UNC79: variants seen among roughly 807,000 people sequenced by gnomAD.
UNC79 encodes unc-79 subunit of NALCN channel complex, also known as protein unc-79 homolog.
Under a neutral mutation model 283.1 loss-of-function variants are expected in UNC79, and 37 were observed. The observed-to-expected ratio is 0.13, with a 90% CI of 0.10 to 0.17. The LOEUF is 0.17. Ranked by LOEUF, UNC79 falls within the 10% of genes least tolerant of loss-of-function variation. The pLI, the probability that UNC79 is intolerant of heterozygous loss-of-function variation, is 1.00. For missense variants in UNC79, 2,272 were observed against 3,211.1 expected, an observed-to-expected ratio of 0.71 and a Z score of 7.07; for synonymous variants, 1,107 against 1,200.2, an observed-to-expected ratio of 0.92 and a Z score of 1.61.
intron 3 of UNC79, among the ~76,000 whole-genome samples, chr14:93,475,941 A>G (rs909333118): frequency 3.3e-5 from 5 of 152,136 alleles, no homozygotes; most frequent in Admixed American, 2.0e-4. Flanking sequence ...TGCATGATAG[A>G]GCTTAGAAGG....
At chr14:93,588,648 G>A (rs1032154666) in intron 22 of UNC79, among the ~76,000 whole-genome samples, 2 of 150,376 alleles carry the variant, frequency 1.3e-5, no homozygotes, top group African/African-American at 4.9e-5. Flanking sequence ...GGCTGAAGCA[G>A]GAGAATGACG....
At chr14:93,364,429 A>G (rs996573292) in intron 1 of UNC79, among the ~76,000 whole-genome samples, 2 of 151,532 alleles carry the variant, frequency 1.3e-5, no homozygotes, top group African/African-American at 2.4e-5. Context: ...TTTTATTTTA[A>G]TTTATTGTAG....
intron 1 of UNC79, among the ~76,000 whole-genome samples, chr14:93,403,667 C>G (rs1358467426): frequency 3.9e-5 from 6 of 151,924 alleles, no homozygotes; most frequent in African/African-American, 1.5e-4. Context: ...CACTGATGAT[C>G]AATACAGTGT....
At chr14:93,545,581 G>T (rs1486088969) in intron 14 of UNC79, among the ~76,000 whole-genome samples, 1 of 152,130 alleles carries the variant, frequency 6.6e-6, no homozygotes, top group African/African-American at 2.4e-5. Context: ...TGTAATGCAG[G>T]TATCGAATCT....
chr14:93,602,699 G>A (rs1003018520), intron 25 of UNC79, among the ~76,000 whole-genome samples: 2 of 152,114 alleles, frequency 1.3e-5, no homozygotes, highest in Non-Finnish European at 2.9e-5. Context: ...GATGTGTAGT[G>A]GTGTCATCAT....
intron 48 of UNC79, among the ~76,000 whole-genome samples, chr14:93,704,951 G>A (rs538332240): frequency 3.3e-5 from 5 of 152,264 alleles, no homozygotes; most frequent in South Asian, 2.1e-4. Context: ...AGTACAGGCC[G>A]AGGCCGGGTG....
intron 35 of UNC79, among the ~76,000 whole-genome samples, chr14:93,648,949 A>G (rs2069933382): frequency 6.6e-6 from 1 of 152,266 alleles, no homozygotes; most frequent in South Asian, 2.1e-4. Context: ...ATTTGTAAGC[A>G]GCAAGGTGTG....
intron 4 of UNC79, among the ~76,000 whole-genome samples, chr14:93,481,015 T>A (rs1484673842): frequency 6.6e-6 from 1 of 152,164 alleles, no homozygotes; most frequent in Non-Finnish European, 1.5e-5. Context: ...ATCTTTGAAG[T>A]GGACCTAATG....
intron 40 of UNC79, among the ~76,000 whole-genome samples, chr14:93,666,673 C>A (rs996769816): frequency 6.6e-6 from 1 of 152,116 alleles, no homozygotes; most frequent in African/African-American, 2.4e-5. Context: ...GGGAGATTTT[C>A]TCTTTCAGTT....
chr14:93,495,620 A>T (rs1567002127), intron 5 of UNC79, among the ~76,000 whole-genome samples: 1 of 152,238 alleles, frequency 6.6e-6, no homozygotes. Flanking sequence ...GAGTGTTTCA[A>T]AAAGGAGACA....
intron 32 of UNC79, among the ~76,000 whole-genome samples, chr14:93,638,085 C>G (rs951449385): frequency 6.6e-6 from 1 of 152,100 alleles, no homozygotes; most frequent in Non-Finnish European, 1.5e-5. Context: ...TAATTGTTAC[C>G]TTTGTTCTTT....
chr14:93,386,114 T>C (rs1297587798), intron 1 of UNC79, among the ~76,000 whole-genome samples: 1 of 152,234 alleles, frequency 6.6e-6, no homozygotes, highest in Non-Finnish European at 1.5e-5. Flanking sequence ...GGGTCTATCA[T>C]ATATGGCTTT....
chr14:93,706,794 A>G, exon 49 of UNC79: 3 of 1,614,238 alleles, frequency 1.9e-6, no homozygotes, highest in Non-Finnish European at 1.7e-6. Flanking sequence ...CTCGGGCCAG[A>G]GCAGTGCTGG....
chr14:93,536,821 A>G (rs942654891), intron 11 of UNC79, among the ~76,000 whole-genome samples: 32 of 134,618 alleles, frequency 2.4e-4, no homozygotes, highest in African/African-American at 9.1e-4. Context: ...AAAAGAGTCA[A>G]TGGTGTACCA....
intron 1 of UNC79, among the ~76,000 whole-genome samples, chr14:93,341,846 C>A (rs2053719542): frequency 6.6e-6 from 1 of 152,176 alleles, no homozygotes; most frequent in Non-Finnish European, 1.5e-5. Flanking sequence ...AAAATAATCT[C>A]TTTTGACTCC....
chr14:93,335,030 A>T (rs532479506), intron 1 of UNC79: 1 of 152,324 alleles, frequency 6.6e-6, no homozygotes, highest in East Asian at 1.9e-4. Context: ...TAAAAAACAA[A>T]ATTAAAATGG....
At chr14:93,334,163 T>C (rs1476751815) in intron 1 of UNC79, among the ~76,000 whole-genome samples, 1 of 152,264 alleles carries the variant, frequency 6.6e-6, no homozygotes, top group Non-Finnish European at 1.5e-5. Context: ...CCTCCATTAT[T>C]TTATGCTTTT....
chr14:93,338,127 C>A (rs1456337908), intron 1 of UNC79, among the ~76,000 whole-genome samples: 3 of 152,076 alleles, frequency 2.0e-5, no homozygotes, highest in African/African-American at 7.2e-5. Flanking sequence ...GCTGAGTGGG[C>A]AGAATGAGCC....
At chr14:93,442,776 C>G (rs891645774) in intron 1 of UNC79, among the ~76,000 whole-genome samples, 5 of 152,156 alleles carry the variant, frequency 3.3e-5, no homozygotes, top group African/African-American at 1.2e-4. Context: ...CATGTAACCA[C>G]TACCACAATA....
Sources: gnomAD v4.1 joint callset for allele counts (sites outside exome capture counted in the v4.1 genomes callset) on GRCh38, gnomAD v4.1.1 for gene constraint, MANE v1.5 for transcripts, NCBI Gene and HGNC (gene_info 2026-07-23, HGNC 2026-07-21) for gene names.